Variants in MMP26 observed in about 807,000 individuals in gnomAD.
MMP26 encodes the protein matrix metalloproteinase-26.
Under a neutral mutation model 31.0 loss-of-function variants are expected in MMP26, and 33 were observed. The observed-to-expected ratio is 1.06, with a 90% confidence interval of 0.81 to 1.42. The LOEUF (loss-of-function observed/expected upper bound fraction) is 1.42, where lower values mean the gene tolerates loss of function less well. Among genes scored for constraint, MMP26 ranks in the 40% most tolerant of loss-of-function variants. The pLI, the probability that MMP26 is intolerant of heterozygous loss-of-function variation, is 0.00. For synonymous variants in MMP26, 122 were observed against 114.9 expected, an observed-to-expected ratio of 1.06 and a Z score of -0.40; for missense variants, 347 against 316.1, an observed-to-expected ratio of 1.10 and a Z score of -0.74.
chr11:4,918,101 A>G (rs1022825519), intron 2 of MMP26, among the ~76,000 whole-genome samples: 27 of 152,036 alleles, frequency 1.8e-4, no homozygotes, highest in African/African-American at 6.0e-4. Context: ...AAAAATTTGC[A>G]AGTTAGTATT....
chr11:4,977,990 C>T (rs1414257460), intron 2 of MMP26, among the ~76,000 whole-genome samples: 2 of 152,024 alleles, frequency 1.3e-5, no homozygotes, highest in Admixed American at 6.6e-5. Flanking sequence ...GTGACTGGAT[C>T]ATGGGGATGG....
At position 4,839,786 on chromosome 11, in the gene MMP26, G is replaced by A. The variant is rs75013810; in HGVS notation, c.-145+72445G>A. On this transcript the variant is annotated intron_variant, in intron 2 of 7. Transcript: ENST00000380390. ...ACCAGCTGTGCTGGCTATGGGGAGA[G>A]ACTCCTTCTGCTTGAGGGAAGAGTA... Among the ~76,000 whole-genome samples the A allele has an allele frequency of 8.9e-3, 1,357 of 151,672 alleles. 18 individuals carry two copies. The highest frequency in any genetic ancestry group is 0.012 in the Non-Finnish European group (811 of 67,946).
rs151070931 is a variant in MMP26, at chr11:4,751,305, A to T, written c.-216-15965A>T. ...TGTACAGTCTTGTGAAAGCTATAATAATGTACACACAGGTGTGCACACATA... is the reference window on the plus strand; with the variant it reads ...TGTACAGTCTTGTGAAAGCTATAATTATGTACACACAGGTGTGCACACATA... On this transcript the variant is annotated intron_variant, in intron 1 of 7. Transcript: ENST00000380390. Among the ~76,000 whole-genome samples, 48 of 152,318 alleles carry T rather than the reference A, an allele frequency of 3.2e-4. No homozygotes were observed. In the East Asian group the frequency reaches 9.2e-3, roughly 29 times the overall value.
intron 1 of MMP26, among the ~76,000 whole-genome samples, chr11:4,766,958 T>A (rs1411762366): frequency 6.6e-6 from 1 of 152,102 alleles, no homozygotes; most frequent in East Asian, 1.9e-4. Flanking sequence ...CTAGCAGGCA[T>A]GTAGAATTAC....
At chr11:4,721,239 G>A (rs1475030979) in intron 1 of MMP26, among the ~76,000 whole-genome samples, 1 of 152,148 alleles carries the variant, frequency 6.6e-6, no homozygotes, top group African/African-American at 2.4e-5. Context: ...GGTCATGATA[G>A]GGGTTTTATT....
intron 2 of MMP26, among the ~76,000 whole-genome samples, chr11:4,925,407 T>C (rs1220984824): frequency 1.3e-5 from 2 of 152,216 alleles, no homozygotes; most frequent in Admixed American, 6.5e-5. Context: ...ATTATATGAA[T>C]ACCATTCAAT....
intron 1 of MMP26, among the ~76,000 whole-genome samples, chr11:4,730,160 C>A (rs943204821): frequency 6.6e-6 from 1 of 152,080 alleles, no homozygotes; most frequent in Non-Finnish European, 1.5e-5. Context: ...TATTGGGTTG[C>A]TTTAATATTT....
chr11:4,867,524 G>A (rs1005027976), intron 2 of MMP26, among the ~76,000 whole-genome samples: 16 of 151,522 alleles, frequency 1.1e-4, no homozygotes, highest in Non-Finnish European at 1.2e-4. Context: ...CTGAGTAGCT[G>A]GGATTACAGG....
intron 2 of MMP26, chr11:4,915,344 AAG>A: frequency 5.0e-6 from 8 of 1,614,022 alleles, no homozygotes; most frequent in Non-Finnish European, 6.8e-6. Context: ...GTGAATGAAA[AAG>A]AGCTGAGCAA....
At chr11:4,870,943 G>A (rs1850302851) in intron 2 of MMP26, among the ~76,000 whole-genome samples, 1 of 152,040 alleles carries the variant, frequency 6.6e-6, no homozygotes, top group Non-Finnish European at 1.5e-5. Flanking sequence ...TGGAGTTAAA[G>A]TAGAGGAAAA....
Position 4,784,460 on chromosome 11 carries a change from A to G in MMP26, c.-145+17119A>G, listed in dbSNP as rs138751775. On this transcript the variant is annotated intron_variant, in intron 2 of 7. Transcript: ENST00000380390. ...CTTTGCAGATATAATTATGGTAATGATCACAAGATGAGATCATCCTGGATG... is the reference window on the plus strand; with the variant it reads ...CTTTGCAGATATAATTATGGTAATGGTCACAAGATGAGATCATCCTGGATG... Among the ~76,000 whole-genome samples the G allele has an allele frequency of 4.2e-3, 647 of 152,350 alleles. 3 individuals carry two copies. Among genetic ancestry groups the G allele is most frequent in the African/African-American group, 0.014 (597 of 41,580 alleles).
At chr11:4,819,906 G>A (rs1169368926) in intron 2 of MMP26, among the ~76,000 whole-genome samples, 1 of 151,946 alleles carries the variant, frequency 6.6e-6, no homozygotes, top group Non-Finnish European at 1.5e-5. Flanking sequence ...TTCCATTTTG[G>A]TGTTATTTTC....
rs143192625 is a variant in MMP26, at chr11:4,822,864, T to C, written c.-145+55523T>C. Among the ~76,000 whole-genome samples the C allele has an allele frequency of 4.7e-3, 710 of 152,238 alleles. 7 individuals are homozygous for C. Among genetic ancestry groups the C allele is most frequent in the African/African-American group, 0.015 (624 of 41,552 alleles). On this transcript the variant is annotated intron_variant, in intron 2 of 7. Transcript: ENST00000380390. ...TTGGGTCTTATCTAGATGGAATTATTTTGCCCTTTATTATGTGCAGGGGCT... is the reference window on the plus strand; with the variant it reads ...TTGGGTCTTATCTAGATGGAATTATCTTGCCCTTTATTATGTGCAGGGGCT...
At chr11:4,711,516 A>T (rs1847862014) in intron 1 of MMP26, 1 of 152,116 alleles carries the variant, frequency 6.6e-6, no homozygotes, top group Admixed American at 6.6e-5. Flanking sequence ...CCTTCCCACA[A>T]AACAAAACTT....
At chr11:4,915,005 A>C in intron 2 of MMP26, 5 of 1,614,084 alleles carry the variant, frequency 3.1e-6, no homozygotes, top group Non-Finnish European at 4.2e-6. Context: ...ATAAGAGAAG[A>C]GGATGAGCAG....
chr11:4,887,217 T>G (rs1850557235), intron 2 of MMP26, among the ~76,000 whole-genome samples: 1 of 152,104 alleles, frequency 6.6e-6, no homozygotes, highest in Non-Finnish European at 1.5e-5. Flanking sequence ...ATATTAAGCT[T>G]TATTATAGTT....
intron 2 of MMP26, among the ~76,000 whole-genome samples, chr11:4,978,226 T>C (rs1846766041): frequency 6.6e-6 from 1 of 152,040 alleles, no homozygotes; most frequent in Admixed American, 6.6e-5. Flanking sequence ...AATTAATCAG[T>C]CCCAGGTATC....
chr11:4,794,958 T>A (rs1300274651), intron 2 of MMP26: 1 of 152,234 alleles, frequency 6.6e-6, no homozygotes, highest in Admixed American at 6.5e-5. Flanking sequence ...ACACCTCTAC[T>A]GTCCAGATGG....
At chr11:4,727,474 A>T (rs1346826415) in intron 1 of MMP26, among the ~76,000 whole-genome samples, 1 of 152,202 alleles carries the variant, frequency 6.6e-6, no homozygotes, top group Non-Finnish European at 1.5e-5. Context: ...TGTATTTTTT[A>T]AAATGTTTGG....
Sources: allele counts gnomAD v4.1 joint callset (sites outside exome capture counted in the v4.1 genomes callset), GRCh38; gene constraint gnomAD v4.1.1; transcripts MANE v1.5; gene names NCBI Gene and HGNC (gene_info 2026-07-23, HGNC 2026-07-21).